The following STMN1 variants were observed in gnomAD, a reference collection of about 807,000 sequenced individuals.
The protein encoded by STMN1 is stathmin 1.
A neutral mutation model predicts 19.7 loss-of-function variants in STMN1; 3 were observed. That is an observed-to-expected ratio of 0.15 (90% CI 0.07 to 0.39). STMN1 has a LOEUF of 0.39. Among genes scored for constraint, STMN1 ranks in the 10% least tolerant of loss-of-function variants. The probability of loss-of-function intolerance (pLI) is 1.00; values close to 1 mark genes in which losing one functional copy is unlikely to be tolerated. For missense variants in STMN1, 99 were observed against 176.0 expected, an observed-to-expected ratio of 0.56 and a Z score of 2.48; for synonymous variants, 59 against 58.9, an observed-to-expected ratio of 1.00 and a Z score of -0.01.
intron 3 of STMN1, chr1:25,902,954 T>C (rs1452221919): frequency 1.3e-5 from 2 of 152,236 alleles, no homozygotes; most frequent in South Asian, 2.1e-4. Context: ...TGAAAAGTTA[T>C]GTACAGTTGT....
intron 3 of STMN1, chr1:25,903,324 A>G: frequency 4.0e-6 from 1 of 252,000 alleles, no homozygotes; most frequent in Non-Finnish European, 7.7e-6. Flanking sequence ...GCTTTGGTTT[A>G]AGATAGACCA....
Position 25,885,961 on chromosome 1 carries a change from G to A in STMN1, c.379-92C>T, listed in dbSNP as rs2048717929. 5.7e-6 allele frequency: 8 copies of A among 1,401,770 alleles called. No individual in the cohort carries two copies. In the South Asian group the frequency reaches 1.0e-4, roughly 18 times the overall value. 86.8% of individuals were successfully genotyped at this position (1,401,770 alleles called of 1,614,324 possible). ...GCCCTTCATCAGGGCTAAAACAGTG[G>A]TTCTCAAACTTTGCTACAAATGGAA... is the stretch of plus-strand genomic sequence containing the variant. On this transcript the variant is annotated intron_variant, in intron 4 of 4. Transcript: ENST00000426559.
chr1:25,890,105 TAGG>T (rs1482310293), intron 4 of STMN1, among the ~76,000 whole-genome samples: 1 of 151,794 alleles, frequency 6.6e-6, no homozygotes, highest in Non-Finnish European at 1.5e-5. Context: ...GCCTGGTAAG[TAGG>T]AGGACTGGAG....
intron 4 of STMN1, 38 bp from the exon 5 acceptor site, chr1:25,901,125 A>AG: frequency 1.3e-6 from 2 of 1,554,938 alleles, no homozygotes; most frequent in Non-Finnish European, 8.7e-7. Flanking sequence ...GTCAAAAAAA[A>AG]AAAAAAAAAA....
chr1:25,899,890 A>G (rs1329017284), downstream of STMN1, among the ~76,000 whole-genome samples: 1 of 152,150 alleles, frequency 6.6e-6, no homozygotes, highest in Non-Finnish European at 1.5e-5. Context: ...GGCTTCCAAG[A>G]GCTTTTATAC....
At chr1:25,902,920 G>C (rs2048892508) in intron 3 of STMN1, 2 of 152,156 alleles carry the variant, frequency 1.3e-5, no homozygotes, top group South Asian at 4.1e-4. Flanking sequence ...AATCCTATCA[G>C]GGTTGTTGAG....
chr1:25,887,449 G>C lies in STMN1; in HGVS notation c.379-1580C>G, dbSNP rs115789164. The stretch of plus-strand genomic sequence containing the variant: ...AACAAAGTGGGGAATGGAGTACAAG[G>C]GCTATCTGGCATCTTAGATGGCTAC... On this transcript the variant is annotated intron_variant, in intron 4 of 4. Transcript: ENST00000426559. 923 of 387,430 alleles carry C rather than the reference G, an allele frequency of 2.4e-3. 7 individuals carry two copies. The highest frequency in any genetic ancestry group is 0.018 in the African/African-American group (833 of 45,876). 24.0% of individuals were successfully genotyped at this position (387,430 alleles called of 1,614,324 possible).
exon 5 of STMN1, chr1:25,885,613 G>A (rs2048714437): frequency 8.7e-6 from 12 of 1,384,516 alleles, no homozygotes; most frequent in African/African-American, 2.9e-5. Context: ...ATCCAAGTCT[G>A]CCTGACCCCA....
intron 2 of STMN1, among the ~76,000 whole-genome samples, chr1:25,904,124 GCAA>G (rs1259170193): frequency 3.9e-5 from 6 of 152,144 alleles, no homozygotes; most frequent in Non-Finnish European, 7.3e-5. Context: ...ACCAGCCTGG[GCAA>G]CAAAGGGAAA....
chr1:25,900,060 C>A (rs904690618), downstream of STMN1: 1 of 984,532 alleles, frequency 1.0e-6, no homozygotes, highest in South Asian at 4.7e-5. Flanking sequence ...CTTAACCACC[C>A]GAGTCAAATG....
At chr1:25,897,340 T>G (rs1349224887), downstream of STMN1, among the ~76,000 whole-genome samples, 1 of 150,770 alleles carries the variant, frequency 6.6e-6, no homozygotes, top group Non-Finnish European at 1.5e-5. Flanking sequence ...AAGAAAAAAT[T>G]TGGCCTTTAT....
chr1:25,893,739 C>T (rs144340682), intron 4 of STMN1, among the ~76,000 whole-genome samples: 131 of 152,324 alleles, frequency 8.6e-4, no homozygotes, highest in African/African-American at 3.1e-3. Context: ...CGGGGTTTCA[C>T]CATGTTGGCC....
chr1:25,906,071 A>AAGGGAGGG lies in STMN1; in HGVS notation c.-63+310_-63+317dup. The AAGGGAGGG allele has an allele frequency of 6.6e-6, 1 of 151,776 alleles. No homozygotes were observed. Among genetic ancestry groups the AAGGGAGGG allele is most frequent in the African/African-American group, 2.4e-5 (1 of 41,422 alleles). 9.4% of individuals were successfully genotyped at this position (151,776 alleles called of 1,614,324 possible). Reference sequence around the variant, plus strand: ...GGGGAACCCGGCGGGGCCCGCAGGGAAGGGAGGGAGGGAGGGAGGTAAACG... The same window carrying AAGGGAGGG: ...GGGGAACCCGGCGGGGCCCGCAGGGAAGGGAGGGAGGGAGGGAGGGAGGGAGGTAAACG... On this transcript the variant is annotated intron_variant, in intron 1 of 4. Transcript: ENST00000455785. The surrounding 1 kb of genome is among the most constrained non-coding windows in gnomAD (Gnocchi z 4.5).
chr1:25,885,606 C>A (rs2048714379), exon 5 of STMN1: 1 of 1,348,430 alleles, frequency 7.4e-7, no homozygotes, highest in Middle Eastern at 1.9e-4. Flanking sequence ...TATTAGAATC[C>A]AAGTCTGCCT....
At chr1:25,886,675 G>A (rs2048724073) in intron 4 of STMN1, among the ~76,000 whole-genome samples, 2 of 140,110 alleles carry the variant, frequency 1.4e-5, no homozygotes, top group African/African-American at 2.7e-5. Context: ...TGCAACCTCC[G>A]CCTCCCAGGT....
Position 25,887,524 on chromosome 1 carries a change from T to C in STMN1, c.379-1655A>G, listed in dbSNP as rs139034814. The C allele has an allele frequency of 1.1e-4, 32 of 303,794 alleles. No homozygotes were observed. In the East Asian group the frequency reaches 2.9e-3, roughly 27 times the overall value. 18.8% of individuals were successfully genotyped at this position (303,794 alleles called of 1,614,324 possible). ...AGAAATACATAGGTGGGGAGCTGTC[T>C]GGACATCTGGGTGAAGTTTTAATAT... On this transcript the variant is annotated intron_variant, in intron 4 of 4. Coordinates refer to the STMN1 transcript ENST00000426559.
At position 25,900,346 on chromosome 1, in the gene STMN1, G is replaced by C. The variant is rs772637967; in HGVS notation, c.*670C>G. 4 of 985,884 alleles carry C rather than the reference G, an allele frequency of 4.1e-6. No homozygotes were observed. The highest frequency in any genetic ancestry group is 4.8e-6 in the Non-Finnish European group (4 of 829,938). The allele number at this position is 985,884 out of a possible 1,614,324, so 61.1% of individuals were successfully genotyped here. A position where few individuals can be genotyped will look rare whatever the true frequency, so the allele number is the denominator to read the frequency against. On this transcript the variant is annotated 3_prime_UTR_variant, in exon 5 of 5. Transcript: ENST00000455785. ...GTTGTTTGCAAATAAACATCTGAAA[G>C]AAAGTAACAGCTGACCTGGGCTGAG... is the stretch of plus-strand genomic sequence containing the variant.
chr1:25,888,433 C>T (rs1041537279), intron 4 of STMN1, among the ~76,000 whole-genome samples: 4 of 152,166 alleles, frequency 2.6e-5, no homozygotes, highest in Non-Finnish European at 5.9e-5. Context: ...CTGCTAAATT[C>T]TCGGCACCTG....
chr1:25,901,201 A>T, intron 4 of STMN1, 114 bp from the exon 5 acceptor site: 1 of 1,516,480 alleles, frequency 6.6e-7, no homozygotes, highest in Non-Finnish European at 8.8e-7. Context: ...CTCAGTGCAT[A>T]TATTACAGCC....
Sources: gnomAD v4.1 joint callset for allele counts (sites outside exome capture counted in the v4.1 genomes callset) on GRCh38, gnomAD v4.1.1 for gene constraint, Gnocchi (gnomAD v3.1) non-coding constraint, MANE v1.5 for transcripts, NCBI Gene and HGNC (gene_info 2026-07-23, HGNC 2026-07-21) for gene names.